Variants in MOCOS observed in about 807,000 individuals in gnomAD.
MOCOS encodes the protein molybdenum cofactor sulfurase, also known as human molybdenum cofactor sulfurase.
In MOCOS, 86 loss-of-function variants were observed where a neutral mutation model predicts 83.6. The observed-to-expected ratio is 1.03, with a 90% CI of 0.86 to 1.23. The LOEUF is 1.23. Among genes scored for constraint, MOCOS ranks in the 50% most tolerant of loss-of-function variants. The probability of loss-of-function intolerance (pLI) is 0.00; values close to 1 mark genes in which losing one functional copy is unlikely to be tolerated. For synonymous variants in MOCOS, 445 were observed against 434.7 expected, an observed-to-expected ratio of 1.02 and a Z score of -0.29; for missense variants, 1,120 against 1,126.9, an observed-to-expected ratio of 0.99 and a Z score of 0.09.
intron 5 of MOCOS, among the ~76,000 whole-genome samples, chr18:36,203,460 G>A (rs2091422424): frequency 6.6e-6 from 1 of 152,190 alleles, no homozygotes; most frequent in Admixed American, 6.6e-5. Context: ...TTCACAGAAT[G>A]AGAGGAGCAT....
rs185878323 is a variant in MOCOS, at chr18:36,230,611, C to T, written c.1960+10394C>T. Among the ~76,000 whole-genome samples the T allele has an allele frequency of 2.8e-4, 42 of 152,282 alleles. 3 individuals carry two copies. In the East Asian group the frequency reaches 6.6e-3, roughly 24 times the overall value. ...TTCTCTTGCGAGTGGCTTCACTGTG[C>T]CAGGCCCATCAGAGCTCTAAGACTG... On this transcript the variant is annotated intron_variant, in intron 9 of 14. Transcript: ENST00000261326.
rs1324005349 is a variant in MOCOS at position 36,199,679 on chromosome 18, C to T, written c.300-4C>T. 1 of 1,613,268 alleles carries T rather than the reference C, an allele frequency of 6.2e-7. No individual in the cohort carries two copies. Among genetic ancestry groups the T allele is most frequent in the East Asian group, 2.2e-5 (1 of 44,888 alleles). On this transcript the variant is annotated splice_region_variant and splice_polypyrimidine_tract_variant and intron_variant, in intron 3 of 14. Coordinates refer to ENST00000261326, the MANE Select transcript of MOCOS (RefSeq NM_017947.4). ...GGGTTGCGGGGATGCTGTGCTTCTT[C>T]CAGAATCCTGGCGCACTTCCACACC... is the stretch of plus-strand genomic sequence containing the variant.
At chr18:36,235,658 G>T (rs1284726903) in intron 9 of MOCOS, among the ~76,000 whole-genome samples, 4 of 151,002 alleles carry the variant, frequency 2.6e-5, no homozygotes, top group Admixed American at 6.6e-5. Flanking sequence ...GTAATGGGAT[G>T]GCTGGGTCAA....
intron 1 of MOCOS, among the ~76,000 whole-genome samples, chr18:36,189,551 G>C (rs1296820470): frequency 1.3e-5 from 2 of 152,208 alleles, no homozygotes; most frequent in African/African-American, 2.4e-5. Context: ...CTGGTTAAGT[G>C]GTGGCTCAGA....
chr18:36,232,392 T>C (rs781001796), intron 9 of MOCOS, among the ~76,000 whole-genome samples: 4 of 152,244 alleles, frequency 2.6e-5, no homozygotes, highest in Non-Finnish European at 4.4e-5. Context: ...CTTTGATACA[T>C]GCATACAATA....
chr18:36,254,883 C>CTTATTTT (rs148109794), intron 11 of MOCOS, among the ~76,000 whole-genome samples: 1 of 151,816 alleles, frequency 6.6e-6, no homozygotes, highest in African/African-American at 2.4e-5. Context: ...GCATTGAGTT[C>CTTATTTT]TTATTTTTTA....
At chr18:36,214,163 C>T (rs539020930) in intron 7 of MOCOS, among the ~76,000 whole-genome samples, 1 of 150,182 alleles carries the variant, frequency 6.7e-6, no homozygotes, top group South Asian at 2.1e-4. Context: ...ACTGCTTGAA[C>T]CCGGGAGGTC....
chr18:36,269,309 A>G lies in MOCOS; in HGVS notation c.*624A>G, dbSNP rs891150999. The G allele has an allele frequency of 6.4e-6, 1 of 155,168 alleles. No individual in the cohort carries two copies. The highest frequency in any genetic ancestry group is 2.4e-5 in the African/African-American group (1 of 41,406). 9.6% of individuals were successfully genotyped at this position (155,168 alleles called of 1,614,324 possible). A position where few individuals can be genotyped will look rare whatever the true frequency, so the allele number is the denominator to read the frequency against. On this transcript the variant is annotated 3_prime_UTR_variant, in exon 15 of 15. Coordinates refer to ENST00000261326, the MANE Select transcript of MOCOS (RefSeq NM_017947.4). ...TCCCTGGCCTCCGTCCTCATCCCCCACTGAGTTGATGCACTGAGGATGGCT... is the reference window on the plus strand; with the variant it reads ...TCCCTGGCCTCCGTCCTCATCCCCCGCTGAGTTGATGCACTGAGGATGGCT...
intron 9 of MOCOS, among the ~76,000 whole-genome samples, chr18:36,233,826 A>T (rs2091547678): frequency 6.6e-6 from 1 of 152,132 alleles, no homozygotes; most frequent in South Asian, 2.1e-4. Context: ...GGCCATTTGT[A>T]TATCTTCTTT....
intron 1 of MOCOS, among the ~76,000 whole-genome samples, chr18:36,191,217 ACCT>A (rs1237191326): frequency 4.6e-5 from 7 of 151,684 alleles, no homozygotes; most frequent in Non-Finnish European, 7.4e-5. Flanking sequence ...AGTCAATTAA[ACCT>A]CTTTTCTTTA....
chr18:36,191,994 C>T (rs1439200333), intron 1 of MOCOS, among the ~76,000 whole-genome samples: 11 of 152,184 alleles, frequency 7.2e-5, no homozygotes, highest in African/African-American at 2.7e-4. Context: ...CAAAACCCCC[C>T]ACAGCTAACA....
At chr18:36,197,588 G>C (rs997803777) in intron 2 of MOCOS, among the ~76,000 whole-genome samples, 3 of 151,920 alleles carry the variant, frequency 2.0e-5, no homozygotes, top group Admixed American at 6.6e-5. Context: ...AACATAGCAA[G>C]AGCCTATCTT....
chr18:36,236,684 C>T (rs78807627), intron 9 of MOCOS, among the ~76,000 whole-genome samples: 67,236 of 124,588 alleles, frequency 0.54, 19,475 homozygotes, highest in African/African-American at 0.68. Context: ...CATTGGTAGC[C>T]TGATGGGGGT....
rs1471481014 is a variant in MOCOS at position 36,195,410 on chromosome 18, T to C, written c.232+64T>C. 5 of 1,373,856 alleles carry C rather than the reference T, an allele frequency of 3.6e-6. No individual in the cohort carries two copies. The East Asian group carries it at 1.1e-4, about 31-fold the overall frequency. The allele number at this position is 1,373,856 out of a possible 1,614,324, so 85.1% of individuals were successfully genotyped here. On this transcript the variant is annotated intron_variant, in intron 2 of 14. Coordinates refer to ENST00000261326, the MANE Select transcript of MOCOS (RefSeq NM_017947.4). ...ATGCAGCTGATATACCTGTGCATGT[T>C]AAACGCTGGATTAATAGGCCAGGAA... is the stretch of plus-strand genomic sequence containing the variant.
In MOCOS at chr18:36,200,088, G is replaced by A; in HGVS notation, c.705G>A (p.Val235=). The change falls in exon 4 of 15, where the codon GTG becomes GTA. Residue 235 remains valine (V), a synonymous_variant. Transcript: ENST00000261326. ...HPVSTPGKWF[V]LLDAASYVST... is the part of the protein sequence containing the mutation. ...TGAGCACGCCTGGGAAGTGGTTTGTGCTGCTGGATGCAGCCTCCTACGTGA... is the reference window on the plus strand; with the variant it reads ...TGAGCACGCCTGGGAAGTGGTTTGTACTGCTGGATGCAGCCTCCTACGTGA... The A allele has an allele frequency of 1.2e-6, 2 of 1,614,208 alleles. No individual in the cohort carries two copies. Among genetic ancestry groups the A allele is most frequent in the Non-Finnish European group, 1.7e-6 (2 of 1,180,022 alleles).
At chr18:36,216,999 T>C (rs74845188) in intron 8 of MOCOS, among the ~76,000 whole-genome samples, 1 of 152,200 alleles carries the variant, frequency 6.6e-6, no homozygotes, top group African/African-American at 2.4e-5. Context: ...GTAGCTGGAC[T>C]CTACTTCTCA....
chr18:36,260,286 TAAC>T, intron 13 of MOCOS, 111 bp downstream of exon 13: 1 of 1,406,864 alleles, frequency 7.1e-7, no homozygotes, highest in Admixed American at 1.7e-5. Context: ...CCTTGTCTCT[TAAC>T]TACAAAATCT....
intron 9 of MOCOS, among the ~76,000 whole-genome samples, chr18:36,232,855 T>TAC (rs71168208): frequency 0.15 from 21,926 of 147,714 alleles, 1,587 homozygotes; most frequent in East Asian, 0.27. Context: ...AATATTCCAT[T>TAC]ACACACACAC....
intron 14 of MOCOS, 53 bp downstream of exon 14, chr18:36,266,906 T>C: frequency 7.2e-7 from 1 of 1,383,606 alleles, no homozygotes; most frequent in Non-Finnish European, 1.0e-6. Context: ...GTGTTATCAA[T>C]ACCAGAACTA....
Sources: allele counts gnomAD v4.1 joint callset (sites outside exome capture counted in the v4.1 genomes callset), GRCh38; gene constraint gnomAD v4.1.1; transcripts MANE v1.5; gene names NCBI Gene and HGNC (gene_info 2026-07-23, HGNC 2026-07-21).